Variants in MYT1L observed in about 807,000 individuals in gnomAD.
MYT1L encodes myelin transcription factor 1-like protein.
MYT1L carries 12 observed loss-of-function variants against 126.7 expected under a neutral mutation model. That is an observed-to-expected ratio of 0.09 (90% CI 0.06 to 0.15). The LOEUF (loss-of-function observed/expected upper bound fraction) is 0.15, where lower values mean the gene tolerates loss of function less well. MYT1L is among the 10% of genes least tolerant of loss of function. The pLI is 1.00. For missense variants in MYT1L, 979 were observed against 1,585.2 expected (o/e 0.62, Z 6.49); for synonymous variants, 541 against 604.2 (o/e 0.90, Z 1.53).
chr2:1,831,614 G>A (rs2040197001), intron 21 of MYT1L, among the ~76,000 whole-genome samples: 1 of 152,178 alleles, frequency 6.6e-6, no homozygotes, highest in African/African-American at 2.4e-5. Context: ...TGCCTCAGTT[G>A]TATTCCCACG....
chr2:1,932,699 C>G (rs758640971), intron 9 of MYT1L, among the ~76,000 whole-genome samples: 14 of 152,138 alleles, frequency 9.2e-5, no homozygotes, highest in Non-Finnish European at 1.5e-4. Flanking sequence ...GCCACTTGAG[C>G]AGAGATCTGA....
intron 2 of MYT1L, among the ~76,000 whole-genome samples, chr2:2,277,521 A>G (rs916614216): frequency 2.6e-5 from 4 of 152,234 alleles, no homozygotes; most frequent in Admixed American, 6.5e-5. Context: ...CCACAGTTAC[A>G]TACATGCTCA....
At chr2:1,858,191 G>A (rs11691000) in intron 18 of MYT1L, among the ~76,000 whole-genome samples, 80,349 of 152,132 alleles carry the variant, frequency 0.53, 22,762 homozygotes, top group Middle Eastern at 0.74. Flanking sequence ...TTTGATTCTT[G>A]TTGTCATATA....
intron 2 of MYT1L, among the ~76,000 whole-genome samples, chr2:2,204,619 C>T (rs1232462987): frequency 6.8e-6 from 1 of 147,942 alleles, no homozygotes; most frequent in Non-Finnish European, 1.5e-5. Flanking sequence ...ACAACAGGTG[C>T]TGGAGAGGAT....
intron 2 of MYT1L, among the ~76,000 whole-genome samples, chr2:2,283,941 G>A (rs1480105108): frequency 1.3e-5 from 2 of 152,108 alleles, no homozygotes; most frequent in East Asian, 3.9e-4. Context: ...GGTACTCAAG[G>A]GCTTCAAGAG....
intron 2 of MYT1L, among the ~76,000 whole-genome samples, chr2:2,215,944 T>C (rs892246817): frequency 6.6e-6 from 1 of 152,124 alleles, no homozygotes; most frequent in Non-Finnish European, 1.5e-5. Flanking sequence ...TGTCTTCATG[T>C]TAGTGAATTC....
chr2:2,087,412 G>A (rs2076468729), intron 3 of MYT1L, among the ~76,000 whole-genome samples: 2 of 152,132 alleles, frequency 1.3e-5, no homozygotes, highest in South Asian at 4.2e-4. Context: ...ACAGGTAATA[G>A]GCAAAGTGAA....
chr2:2,028,294 A>G (rs894978104), intron 4 of MYT1L, among the ~76,000 whole-genome samples: 3 of 152,218 alleles, frequency 2.0e-5, no homozygotes, highest in Non-Finnish European at 4.4e-5. Flanking sequence ...CCTGGTGTGG[A>G]AAGAGCAGGA....
intron 2 of MYT1L, among the ~76,000 whole-genome samples, chr2:2,199,599 G>A (rs1241363866): frequency 1.3e-5 from 2 of 152,154 alleles, no homozygotes; most frequent in African/African-American, 2.4e-5. Flanking sequence ...CTTGAGTGAG[G>A]GACACAGTGT....
intron 3 of MYT1L, among the ~76,000 whole-genome samples, chr2:2,067,254 T>A (rs2073995814): frequency 6.6e-6 from 1 of 152,086 alleles, no homozygotes; most frequent in South Asian, 2.1e-4. Context: ...TAAAATAGAA[T>A]AAAAACCTGT....
intron 3 of MYT1L, among the ~76,000 whole-genome samples, chr2:2,151,451 T>C (rs865846257): frequency 2.0e-5 from 3 of 151,840 alleles, no homozygotes; most frequent in South Asian, 2.1e-4. Flanking sequence ...TGTGGCATGT[T>C]CACAGACGTT....
intron 4 of MYT1L, among the ~76,000 whole-genome samples, chr2:2,018,441 C>T (rs1488664531): frequency 1.3e-5 from 2 of 152,140 alleles, no homozygotes; most frequent in Non-Finnish European, 2.9e-5. Flanking sequence ...GCATTGGTCA[C>T]TAGTAACTTA....
intron 1 of MYT1L, among the ~76,000 whole-genome samples, chr2:2,319,754 T>A (rs2096128083): frequency 6.9e-6 from 1 of 145,750 alleles, no homozygotes; most frequent in South Asian, 2.3e-4. Context: ...TTATCAGAAA[T>A]ATGCATATAT....
intron 3 of MYT1L, among the ~76,000 whole-genome samples, chr2:2,167,556 T>C (rs941418263): frequency 7.9e-5 from 12 of 152,224 alleles, no homozygotes; most frequent in African/African-American, 2.7e-4. Flanking sequence ...TCTCTCACCA[T>C]CTACAGAGCT....
chr2:2,210,904 A>C (rs1039272799), intron 2 of MYT1L, among the ~76,000 whole-genome samples: 4 of 151,964 alleles, frequency 2.6e-5, no homozygotes, highest in Non-Finnish European at 5.9e-5. Context: ...TTTTTTTTAA[A>C]ATCAGTGTTT....
intron 3 of MYT1L, among the ~76,000 whole-genome samples, chr2:2,090,715 T>C (rs1244800655): frequency 6.6e-6 from 1 of 152,226 alleles, no homozygotes; most frequent in African/African-American, 2.4e-5. Context: ...GATAGGACTT[T>C]AACCACCTTA....
At chr2:1,813,014 G>A (rs1013693731) in intron 21 of MYT1L, among the ~76,000 whole-genome samples, 6 of 152,274 alleles carry the variant, frequency 3.9e-5, no homozygotes, top group South Asian at 4.1e-4. Flanking sequence ...GTCGGTCCAC[G>A]GTGCGTGTGG....
chr2:1,991,637 G>C (rs2061462491), intron 5 of MYT1L, among the ~76,000 whole-genome samples: 1 of 152,074 alleles, frequency 6.6e-6, no homozygotes, highest in African/African-American at 2.4e-5. Context: ...CTTCTTTCCA[G>C]TGTGTCTGTC....
At position 1,922,171 on chromosome 2, in the gene MYT1L, T is replaced by A; in HGVS notation, c.1483+115A>T. ...ATCCTTCTGGAATCAACTCTAAGAA[T>A]GTGCAGTAGAGACATAATTCAGTGT... On this transcript the variant is annotated intron_variant, in intron 10 of 24. Transcript: ENST00000647738. The surrounding 1 kb of genome is among the most constrained non-coding windows in gnomAD (Gnocchi z 7.4). 1 of 1,314,312 alleles carries A rather than the reference T, an allele frequency of 7.6e-7. No individual in the cohort carries two copies. The highest frequency in any genetic ancestry group is 1.5e-5 in the South Asian group (1 of 66,262). 81.4% of individuals were successfully genotyped at this position (1,314,312 alleles called of 1,614,324 possible). A position where few individuals can be genotyped will look rare whatever the true frequency, so the allele number is the denominator to read the frequency against.
Sources: allele counts gnomAD v4.1 joint callset (sites outside exome capture counted in the v4.1 genomes callset), GRCh38; gene constraint gnomAD v4.1.1; non-coding constraint Gnocchi (gnomAD v3.1); transcripts MANE v1.5; gene names NCBI Gene and HGNC (gene_info 2026-07-23, HGNC 2026-07-21).